The following AGPAT3 variants were observed in gnomAD, a reference collection of about 807,000 sequenced individuals.
AGPAT3 encodes the protein 1-acylglycerol-3-phosphate O-acyltransferase 3.
Under a neutral mutation model 47.3 loss-of-function variants are expected in AGPAT3, and 5 were observed. That is an observed-to-expected ratio of 0.11 (90% confidence interval 0.06 to 0.22). AGPAT3 has a LOEUF of 0.22. AGPAT3 is among the 10% of genes least tolerant of loss of function. The pLI is 1.00. For missense variants in AGPAT3, 315 were observed against 493.0 expected, an observed-to-expected ratio of 0.64 and a Z score of 3.42; for synonymous variants, 212 against 208.3, an observed-to-expected ratio of 1.02 and a Z score of -0.15.
rs1447308182 is a variant in AGPAT3, at chr21:43,947,631, A to T, written c.-48-12003A>T. ...GTGACGTTGTTCTTTCAGGAACTGT[A>T]AACGGAGGTGGCATGTAACCAGTGT... On this transcript the variant is annotated intron_variant, in intron 2 of 9. Transcript: ENST00000291572. 3.9e-5 allele frequency among the ~76,000 whole-genome samples: 6 copies of T among 152,066 alleles called. No homozygotes were observed. In the East Asian group the frequency reaches 1.2e-3, roughly 29 times the overall value.
In AGPAT3 at chr21:43,981,099, C is replaced by T. The variant is rs775026065; in HGVS notation, c.954C>T (p.Leu318=). The change falls in exon 9 of 10, where the codon CTC becomes CTT. Residue 318 remains leucine, a synonymous_variant. Coordinates refer to ENST00000291572, the MANE Select transcript of AGPAT3 (RefSeq NM_020132.5). The surrounding 1 kb of genome is among the most constrained non-coding windows in gnomAD (Gnocchi z 5.3). ...LLNFLSWATI[L]LSPLFSFVLG... Reference sequence around the variant, plus strand: ...ACTTCCTGTCCTGGGCCACCATTCTCCTGTCTCCCCTCTTCAGTTTTGTCT... The same window carrying T: ...ACTTCCTGTCCTGGGCCACCATTCTTCTGTCTCCCCTCTTCAGTTTTGTCT... The T allele has an allele frequency of 1.2e-6, 2 of 1,614,238 alleles. No individual in the cohort carries two copies. The highest frequency in any genetic ancestry group is 1.7e-6 in the Non-Finnish European group (2 of 1,180,050).
chr21:43,951,879 C>T (rs2088211192), intron 2 of AGPAT3, among the ~76,000 whole-genome samples: 1 of 152,126 alleles, frequency 6.6e-6, no homozygotes, highest in Admixed American at 6.5e-5. Flanking sequence ...GTTTCCATTC[C>T]ATAAAAAGGC....
intron 1 of AGPAT3, among the ~76,000 whole-genome samples, chr21:43,876,711 G>T (rs1205707370): frequency 2.0e-5 from 3 of 152,132 alleles, no homozygotes; most frequent in African/African-American, 7.2e-5. Context: ...GCTGTCTGGG[G>T]GGAAATTTTT....
At chr21:43,875,459 T>C (rs2085713489) in intron 1 of AGPAT3, among the ~76,000 whole-genome samples, 1 of 152,208 alleles carries the variant, frequency 6.6e-6, no homozygotes, top group Non-Finnish European at 1.5e-5. Flanking sequence ...TGCCTTATGC[T>C]TTGCTTTCTC....
intron 2 of AGPAT3, among the ~76,000 whole-genome samples, chr21:43,910,771 AG>A (rs1381921431): frequency 6.6e-6 from 1 of 152,216 alleles, no homozygotes; most frequent in African/African-American, 2.4e-5. Context: ...TCGTGAAGTC[AG>A]GTATTCTGCA....
intron 2 of AGPAT3, among the ~76,000 whole-genome samples, chr21:43,913,763 G>A (rs776817724): frequency 1.9e-4 from 29 of 152,146 alleles, no homozygotes; most frequent in Non-Finnish European, 3.4e-4. Context: ...AGACCAGGGA[G>A]GCTGCTGAAT....
intron 1 of AGPAT3, among the ~76,000 whole-genome samples, chr21:43,883,487 C>T (rs1037755037): frequency 1.3e-5 from 2 of 152,258 alleles, no homozygotes; most frequent in African/African-American, 4.8e-5. Flanking sequence ...ATTTCTGTTC[C>T]TTGTCACTCA....
rs565367010 is a variant in AGPAT3, at chr21:43,979,811, G to A, written c.844-1178G>A. On this transcript the variant is annotated intron_variant, in intron 8 of 9. Coordinates refer to ENST00000291572, the MANE Select transcript of AGPAT3 (RefSeq NM_020132.5). ...GAGGCAGGGAGCTGGGTGCTCAGGG[G>A]TGGCCAGGACACGATGACACCTGCC... Among the ~76,000 whole-genome samples, 20 of 152,346 alleles carry A rather than the reference G, an allele frequency of 1.3e-4. No homozygotes were observed. In the East Asian group the frequency reaches 3.9e-3, roughly 29 times the overall value.
At chr21:43,886,735 A>G (rs1259469287) in intron 1 of AGPAT3, among the ~76,000 whole-genome samples, 4 of 152,158 alleles carry the variant, frequency 2.6e-5, no homozygotes, top group African/African-American at 4.8e-5. Context: ...ACTTAATATA[A>G]TGAGCTCCAG....
intron 3 of AGPAT3, among the ~76,000 whole-genome samples, chr21:43,961,845 C>T (rs914772531): frequency 1.1e-4 from 16 of 152,172 alleles, no homozygotes; most frequent in African/African-American, 3.6e-4. Flanking sequence ...CGATCTCCTT[C>T]CAGTTCAGGA....
At chr21:43,884,283 C>T (rs1311591977) in intron 1 of AGPAT3, among the ~76,000 whole-genome samples, 1 of 148,010 alleles carries the variant, frequency 6.8e-6, no homozygotes, top group Admixed American at 6.7e-5. Context: ...TCCTCCTTCC[C>T]CCTCCTCCTT....
intron 5 of AGPAT3, 103 bp downstream of exon 5, chr21:43,969,382 C>A: frequency 7.0e-7 from 1 of 1,427,210 alleles, no homozygotes; most frequent in Non-Finnish European, 9.6e-7. Flanking sequence ...CCCATGAGAG[C>A]CTCTGCACAT....
intron 1 of AGPAT3, among the ~76,000 whole-genome samples, chr21:43,890,416 C>T (rs747602393): frequency 5.1e-4 from 77 of 152,174 alleles, no homozygotes; most frequent in Admixed American, 2.4e-3. Context: ...ATTACCCGGT[C>T]TCAATTTTTT....
intron 1 of AGPAT3, among the ~76,000 whole-genome samples, chr21:43,876,658 CAGTAGAAG>C (rs1172811499): frequency 6.6e-6 from 1 of 152,116 alleles, no homozygotes; most frequent in Non-Finnish European, 1.5e-5. Context: ...CCGTAATGAA[CAGTAGAAG>C]GAATGTCACA....
intron 2 of AGPAT3, among the ~76,000 whole-genome samples, chr21:43,918,099 T>TTA (rs1296678898): frequency 4.0e-5 from 5 of 125,976 alleles, no homozygotes; most frequent in South Asian, 2.7e-4. Context: ...GGGTGTTGTG[T>TTA]TGTGGGTGTT....
chr21:43,956,794 G>A (rs1385220097), intron 2 of AGPAT3, among the ~76,000 whole-genome samples: 1 of 152,202 alleles, frequency 6.6e-6, no homozygotes, highest in Non-Finnish European at 1.5e-5. Flanking sequence ...CCCCTTCCGC[G>A]CAGGAAGGAC....
intron 1 of AGPAT3, among the ~76,000 whole-genome samples, chr21:43,884,192 G>A (rs1282989134): frequency 6.6e-6 from 1 of 152,072 alleles, no homozygotes; most frequent in Non-Finnish European, 1.5e-5. Context: ...CCTGTCGAAA[G>A]TGTAGCTCCA....
At chr21:43,884,874 G>A (rs547739962) in intron 1 of AGPAT3, among the ~76,000 whole-genome samples, 11 of 152,316 alleles carry the variant, frequency 7.2e-5, no homozygotes, top group South Asian at 2.1e-4. Flanking sequence ...CAAAGCACAC[G>A]TTGGGCTGCT....
In AGPAT3 at chr21:43,933,851, G is replaced by A. The variant is rs571421512; in HGVS notation, c.-48-25783G>A. ...CCGCGCCTGCCACGAGCCTCACGTG[G>A]AGAGTGGACAGTGGCATGGAAACGC... On this transcript the variant is annotated intron_variant, in intron 2 of 9. Coordinates refer to ENST00000291572, the MANE Select transcript of AGPAT3 (RefSeq NM_020132.5). The surrounding 1 kb of genome is among the most constrained non-coding windows in gnomAD (Gnocchi z 6.0). 6.6e-5 allele frequency among the ~76,000 whole-genome samples: 10 copies of A among 152,300 alleles called. No homozygotes were observed. In the East Asian group the frequency reaches 1.9e-3, roughly 29 times the overall value.
Sources: gnomAD v4.1 joint callset for allele counts (sites outside exome capture counted in the v4.1 genomes callset) on GRCh38, gnomAD v4.1.1 for gene constraint, Gnocchi (gnomAD v3.1) non-coding constraint, MANE v1.5 for transcripts, NCBI Gene and HGNC (gene_info 2026-07-23, HGNC 2026-07-21) for gene names.